The following FAM184B variants were observed in gnomAD, a reference collection of about 807,000 sequenced individuals.
FAM184B encodes protein FAM184B.
In FAM184B, 111 loss-of-function variants were observed where a neutral mutation model predicts 135.9. The observed-to-expected ratio is 0.82, with a 90% confidence interval of 0.70 to 0.96. FAM184B has a LOEUF of 0.96. FAM184B is among the 40% of genes least tolerant of loss of function. FAM184B has a pLI of 0.00. For missense variants in FAM184B, 1,375 were observed against 1,323.9 expected (o/e 1.04, Z -0.60); for synonymous variants, 552 against 524.8 (o/e 1.05, Z -0.71).
chr4:17,633,957 C>G (rs1220022352), intron 16 of FAM184B, 69 bp from the exon 17 acceptor site: 1 of 1,206,176 alleles, frequency 8.3e-7, no homozygotes, highest in African/African-American at 1.6e-5. Flanking sequence ...ATTGTAAAAG[C>G]AAATAATGCT....
At chr4:17,732,450 A>G (rs1323043075) in intron 1 of FAM184B, among the ~76,000 whole-genome samples, 1 of 152,176 alleles carries the variant, frequency 6.6e-6, no homozygotes, top group Non-Finnish European at 1.5e-5. Flanking sequence ...CAAGACTAAT[A>G]AAGAAGAAAA....
chr4:17,686,148 G>T (rs1043371922), intron 7 of FAM184B, among the ~76,000 whole-genome samples: 4 of 152,188 alleles, frequency 2.6e-5, no homozygotes, highest in Admixed American at 2.6e-4. Flanking sequence ...CCCACAGGGC[G>T]CTGGTGAAAG....
In FAM184B at chr4:17,636,565, C is replaced by T. The variant is rs1715144083; in HGVS notation, c.2747G>A (p.Arg916His). Reference protein sequence around the residue: ...DLQLIGRLQTRLKEREDIIKQ... With the variant: ...DLQLIGRLQTHLKEREDIIKQ... ...GATGATGTCCTCTCTCTCCTTCAGG[C>T]GGGTCTGCAGGCGGCCAATGAGCTG... The change falls in exon 15 of 18, where the codon CGC becomes CAC. Residue 916 changes from arginine to histidine, a missense_variant. Physicochemically the swap from Arg to His is conservative, Grantham distance 29 (BLOSUM62 0). Coordinates refer to ENST00000265018, the MANE Select transcript of FAM184B (RefSeq NM_015688.2). 2.6e-6 allele frequency: 4 copies of T among 1,551,024 alleles called. No homozygotes were observed. The highest frequency in any genetic ancestry group is 3.5e-6 in the Non-Finnish European group (4 of 1,146,846).
chr4:17,642,693 G>A (rs1715357738), intron 12 of FAM184B, among the ~76,000 whole-genome samples: 1 of 152,194 alleles, frequency 6.6e-6, no homozygotes, highest in Non-Finnish European at 1.5e-5. Flanking sequence ...AAGAGAATAT[G>A]TGTCCATGCT....
chr4:17,703,585 A>G (rs1253477713), intron 5 of FAM184B, among the ~76,000 whole-genome samples: 3 of 152,148 alleles, frequency 2.0e-5, no homozygotes, highest in Admixed American at 2.0e-4. Flanking sequence ...ATATACTATA[A>G]TACCATATTT....
intron 1 of FAM184B, among the ~76,000 whole-genome samples, chr4:17,713,268 T>A (rs1336321570): frequency 6.6e-6 from 1 of 152,236 alleles, no homozygotes; most frequent in Non-Finnish European, 1.5e-5. Flanking sequence ...TGTGAAGCCC[T>A]GGGAGAATAA....
chr4:17,699,532 C>T (rs925289653), intron 5 of FAM184B, among the ~76,000 whole-genome samples: 2 of 151,744 alleles, frequency 1.3e-5, no homozygotes, highest in Non-Finnish European at 2.9e-5. Context: ...AAAATGCAAA[C>T]CAAAAGATAC....
intron 7 of FAM184B, among the ~76,000 whole-genome samples, chr4:17,676,656 G>A (rs925123642): frequency 2.0e-5 from 3 of 152,058 alleles, no homozygotes; most frequent in Admixed American, 6.6e-5. Flanking sequence ...CAGTATCTCC[G>A]AGGTATGCCT....
chr4:17,660,899 T>G (rs1003202830), intron 8 of FAM184B, among the ~76,000 whole-genome samples: 4 of 151,736 alleles, frequency 2.6e-5, no homozygotes, highest in Non-Finnish European at 5.9e-5. Context: ...GGGTTTAGGG[T>G]CTCGGGCTGT....
At chr4:17,713,919 G>A (rs1196782979) in intron 1 of FAM184B, among the ~76,000 whole-genome samples, 2 of 152,154 alleles carry the variant, frequency 1.3e-5, no homozygotes, top group Admixed American at 6.5e-5. Flanking sequence ...AATGCACTGC[G>A]ATGAGTACTA....
intron 1 of FAM184B, among the ~76,000 whole-genome samples, chr4:17,764,958 C>G (rs1242368327): frequency 2.0e-5 from 3 of 152,082 alleles, no homozygotes; most frequent in Non-Finnish European, 2.9e-5. Context: ...CCCAGCTACT[C>G]AGGAGGCTAA....
chr4:17,744,488 CACCACACA>C (rs1198388413), intron 1 of FAM184B, among the ~76,000 whole-genome samples: 202 of 143,910 alleles, frequency 1.4e-3, no homozygotes, highest in African/African-American at 5.3e-3. Flanking sequence ...CACACACACA[CACCACACA>C]CACACACACA....
chr4:17,675,060 C>T (rs1295103638), intron 7 of FAM184B, among the ~76,000 whole-genome samples: 1 of 152,182 alleles, frequency 6.6e-6, no homozygotes, highest in Non-Finnish European at 1.5e-5. Context: ...TGAATGCTTT[C>T]CAGAAGGTTT....
intron 8 of FAM184B, among the ~76,000 whole-genome samples, chr4:17,660,973 TAAGG>T (rs1194407349): frequency 6.6e-6 from 1 of 151,906 alleles, no homozygotes; most frequent in Non-Finnish European, 1.5e-5. Flanking sequence ...GCTGGGGGGT[TAAGG>T]AAGAGACAGA....
intron 1 of FAM184B, among the ~76,000 whole-genome samples, chr4:17,757,645 C>CT (rs1469919721): frequency 6.6e-6 from 1 of 151,870 alleles, no homozygotes; most frequent in African/African-American, 2.4e-5. Flanking sequence ...AGAAATAAAG[C>CT]AAGATTCACA....
chr4:17,721,745 C>T (rs1717537241), intron 1 of FAM184B, among the ~76,000 whole-genome samples: 1 of 152,194 alleles, frequency 6.6e-6, no homozygotes, highest in African/African-American at 2.4e-5. Flanking sequence ...ATCATGCAGA[C>T]TCCCAGGCCC....
chr4:17,734,001 G>C (rs1398455927), intron 1 of FAM184B, among the ~76,000 whole-genome samples: 3 of 152,168 alleles, frequency 2.0e-5, no homozygotes, highest in Non-Finnish European at 2.9e-5. Flanking sequence ...CAATGGAACA[G>C]AACAGAGCCC....
At chr4:17,694,618 G>C (rs2108959272) in intron 5 of FAM184B, among the ~76,000 whole-genome samples, 1 of 152,186 alleles carries the variant, frequency 6.6e-6, no homozygotes, top group African/African-American at 2.4e-5. Context: ...GAATGAGATA[G>C]TCTGTTCCTC....
At chr4:17,640,507 A>G (rs184259669) in intron 13 of FAM184B, among the ~76,000 whole-genome samples, 65 of 151,606 alleles carry the variant, frequency 4.3e-4, no homozygotes, top group Middle Eastern at 3.4e-3. Flanking sequence ...AAAATAAATG[A>G]ACAAGCACAG....
Sources: allele counts gnomAD v4.1 joint callset (sites outside exome capture counted in the v4.1 genomes callset), GRCh38; gene constraint gnomAD v4.1.1; transcripts MANE v1.5; gene names NCBI Gene and HGNC (gene_info 2026-07-23, HGNC 2026-07-21).